The following PARD3B variants were observed in gnomAD, a reference collection of about 807,000 sequenced individuals.
PARD3B encodes the protein par-3 family cell polarity regulator beta.
A neutral mutation model predicts 130.2 loss-of-function variants in PARD3B; 103 were observed. The ratio of observed to expected loss-of-function variants is 0.79; its 90% CI spans 0.67 to 0.93. The LOEUF (loss-of-function observed/expected upper bound fraction) is 0.93, where lower values mean the gene tolerates loss of function less well. Ranked by LOEUF, PARD3B falls within the 40% of genes least tolerant of loss-of-function variation. The pLI is 0.00. For synonymous variants in PARD3B, 583 were observed against 553.2 expected, an observed-to-expected ratio of 1.05 and a Z score of -0.76; for missense variants, 1,609 against 1,499.2, an observed-to-expected ratio of 1.07 and a Z score of -1.21.
intron 3 of PARD3B, among the ~76,000 whole-genome samples, chr2:205,019,393 G>A (rs1289026392): frequency 6.6e-6 from 1 of 152,058 alleles, no homozygotes; most frequent in African/African-American, 2.4e-5. Context: ...ATAAGTTGAT[G>A]GACACTTGTT....
intron 19 of PARD3B, among the ~76,000 whole-genome samples, chr2:205,425,734 T>C (rs1421763375): frequency 2.0e-5 from 3 of 152,168 alleles, no homozygotes; most frequent in African/African-American, 7.2e-5. Context: ...TCCCAAACTC[T>C]ACTGCCTTGA....
At chr2:204,850,779 G>A (rs1320478024) in intron 2 of PARD3B, among the ~76,000 whole-genome samples, 1 of 152,170 alleles carries the variant, frequency 6.6e-6, no homozygotes, top group Non-Finnish European at 1.5e-5. Flanking sequence ...GTGAGCTAGG[G>A]CAGGGACTGT....
chr2:205,301,181 A>C lies in PARD3B; in HGVS notation c.2393-283A>C, dbSNP rs2041983079. ...AGCATGCAGGCTTTCTGAGCTGATC[A>C]AGGTTAACAAGGCAGCTTTCAGAGA... On this transcript the variant is annotated intron_variant, in intron 17 of 22. Coordinates refer to ENST00000406610, the MANE Select transcript of PARD3B (RefSeq NM_001302769.2). This position sits in a 1 kb window ranked among gnomAD's most constrained non-coding sequence, Gnocchi z 5.2. Among the ~76,000 whole-genome samples the C allele has an allele frequency of 6.6e-6, 1 of 152,216 alleles. No homozygotes were observed. The highest frequency in any genetic ancestry group is 6.5e-5 in the Admixed American group (1 of 15,290).
At chr2:205,403,108 A>G (rs772985319) in intron 19 of PARD3B, among the ~76,000 whole-genome samples, 9 of 152,190 alleles carry the variant, frequency 5.9e-5, no homozygotes, top group Non-Finnish European at 1.2e-4. Flanking sequence ...AAAAAAATAG[A>G]ATAGAGTAAG....
intron 1 of PARD3B, among the ~76,000 whole-genome samples, chr2:204,595,278 G>T (rs1350113604): frequency 6.6e-6 from 1 of 152,162 alleles, no homozygotes; most frequent in East Asian, 1.9e-4. Context: ...GCTGGACTCG[G>T]GCAGTGGAAA....
intron 2 of PARD3B, among the ~76,000 whole-genome samples, chr2:204,897,385 G>GTTTTTTTTTTTTTTTTTT (rs56693580): frequency 2.3e-5 from 3 of 127,676 alleles, no homozygotes; most frequent in Non-Finnish European, 3.2e-5. Context: ...TGTAGGTACT[G>GTTTTTTTTTTTTTTTTTT]TTTTTTTTTT....
intron 3 of PARD3B, among the ~76,000 whole-genome samples, chr2:205,007,257 G>C (rs1018533858): frequency 4.6e-5 from 7 of 152,150 alleles, no homozygotes; most frequent in African/African-American, 1.4e-4. Context: ...CAGCCATGCT[G>C]AACTGTGATT....
chr2:205,013,367 T>C (rs554023155), intron 3 of PARD3B, among the ~76,000 whole-genome samples: 6 of 152,362 alleles, frequency 3.9e-5, no homozygotes, highest in East Asian at 1.9e-4. Flanking sequence ...TTGTTTTTTT[T>C]CCCCTTCAGA....
intron 1 of PARD3B, among the ~76,000 whole-genome samples, chr2:204,670,718 G>C (rs1388499624): frequency 6.6e-6 from 1 of 152,024 alleles, no homozygotes; most frequent in Admixed American, 6.6e-5. Flanking sequence ...TGCATATTCA[G>C]TGTTTTTACT....
Position 205,091,889 on chromosome 2 carries a change from A to G in PARD3B, c.505-12537A>G, listed in dbSNP as rs530978156. On this transcript the variant is annotated intron_variant, in intron 4 of 22. Transcript: ENST00000406610. The surrounding 1 kb of genome is among the most constrained non-coding windows in gnomAD (Gnocchi z 4.2). Reference sequence around the variant, plus strand: ...TATCTCCAGTGCTTAGCACTGGAGCAAAGGGGACCCTCAATAAGGACTTGT... The same window carrying G: ...TATCTCCAGTGCTTAGCACTGGAGCGAAGGGGACCCTCAATAAGGACTTGT... Among the ~76,000 whole-genome samples, 1 of 152,268 alleles carries G rather than the reference A, an allele frequency of 6.6e-6. No homozygotes were observed. Among genetic ancestry groups the G allele is most frequent in the African/African-American group, 2.4e-5 (1 of 41,556 alleles).
chr2:204,919,640 T>A (rs2047588002), intron 2 of PARD3B, among the ~76,000 whole-genome samples: 1 of 152,322 alleles, frequency 6.6e-6, no homozygotes, highest in South Asian at 2.1e-4. Context: ...TTATCCTTCC[T>A]CCTGATAATG....
chr2:205,395,465 C>G lies in PARD3B; in HGVS notation c.2631-5548C>G, dbSNP rs147573243. Reference sequence around the variant, plus strand: ...TTCTAGCTCTCTTGCTGTTCTTTCTCTATCTCTGTTGTCCACCTGCCTCTC... The same window carrying G: ...TTCTAGCTCTCTTGCTGTTCTTTCTGTATCTCTGTTGTCCACCTGCCTCTC... On this transcript the variant is annotated intron_variant, in intron 18 of 22. Transcript: ENST00000406610. 3.9e-5 allele frequency among the ~76,000 whole-genome samples: 6 copies of G among 152,306 alleles called. No individual in the cohort carries two copies. The South Asian group carries it at 1.0e-3, about 26-fold the overall frequency.
intron 16 of PARD3B, among the ~76,000 whole-genome samples, chr2:205,261,859 TAATTAG>T (rs1302392288): frequency 6.6e-6 from 1 of 152,196 alleles, no homozygotes; most frequent in Admixed American, 6.5e-5. Context: ...GATCAGATAC[TAATTAG>T]AATTCTTTTT....
intron 2 of PARD3B, among the ~76,000 whole-genome samples, chr2:204,878,484 G>A (rs74939488): frequency 0.055 from 8,341 of 151,970 alleles, 346 homozygotes; most frequent in Admixed American, 0.091. Context: ...TCCAAATACA[G>A]TCACAATTTT....
intron 20 of PARD3B, among the ~76,000 whole-genome samples, chr2:205,445,608 A>G (rs1450277536): frequency 6.6e-6 from 1 of 152,192 alleles, no homozygotes; most frequent in Non-Finnish European, 1.5e-5. Context: ...CACCCCCATG[A>G]TCCAATCATC....
At chr2:205,523,417 T>A (rs2106406646) in intron 21 of PARD3B, among the ~76,000 whole-genome samples, 1 of 151,814 alleles carries the variant, frequency 6.6e-6, no homozygotes, top group South Asian at 2.1e-4. Context: ...CTAATTTTTG[T>A]CTTTTTAATA....
intron 3 of PARD3B, among the ~76,000 whole-genome samples, chr2:204,988,348 A>G (rs1280765172): frequency 6.6e-6 from 1 of 152,178 alleles, no homozygotes; most frequent in East Asian, 1.9e-4. Context: ...CTGAGAAGGT[A>G]GTGGGGGGCA....
intron 2 of PARD3B, among the ~76,000 whole-genome samples, chr2:204,776,111 A>G (rs1422674850): frequency 6.6e-6 from 1 of 152,198 alleles, no homozygotes; most frequent in Non-Finnish European, 1.5e-5. Context: ...CTCCTGACAT[A>G]CAGTTTTCTT....
At chr2:205,599,243 T>A (rs1359993670) in intron 22 of PARD3B, among the ~76,000 whole-genome samples, 3 of 152,168 alleles carry the variant, frequency 2.0e-5, no homozygotes, top group African/African-American at 7.2e-5. Context: ...GATTACCAGA[T>A]GTAAAAATTT....
Sources: gnomAD v4.1 joint callset for allele counts (sites outside exome capture counted in the v4.1 genomes callset) on GRCh38, gnomAD v4.1.1 for gene constraint, Gnocchi (gnomAD v3.1) non-coding constraint, MANE v1.5 for transcripts, NCBI Gene and HGNC (gene_info 2026-07-23, HGNC 2026-07-21) for gene names.